Variants in AFAP1 observed in about 807,000 individuals in gnomAD.
AFAP1 encodes the protein actin filament-associated protein 1.
A neutral mutation model predicts 93.9 loss-of-function variants in AFAP1; 75 were observed. That is an observed-to-expected ratio of 0.80 (90% CI 0.66 to 0.97). AFAP1 has a LOEUF of 0.97. AFAP1 is among the 50% of genes least tolerant of loss of function. The pLI, the probability that AFAP1 is intolerant of heterozygous loss-of-function variation, is 0.00. For synonymous variants in AFAP1, 517 were observed against 430.7 expected (o/e 1.20, Z -2.48); for missense variants, 1,201 against 1,050.8 (o/e 1.14, Z -1.98).
chr4:7,915,947 G>A (rs2149230884), intron 1 of AFAP1, among the ~76,000 whole-genome samples: 1 of 152,322 alleles, frequency 6.6e-6, no homozygotes, highest in Non-Finnish European at 1.5e-5. Context: ...TGGAAAAATA[G>A]GAGGGAGAGG....
At chr4:7,803,508 C>T (rs1036666868) in intron 9 of AFAP1, among the ~76,000 whole-genome samples, 5 of 151,950 alleles carry the variant, frequency 3.3e-5, no homozygotes, top group East Asian at 1.9e-4. Flanking sequence ...ACAGGGGGAC[C>T]GGCCCTGATC....
intron 1 of AFAP1, among the ~76,000 whole-genome samples, chr4:7,931,367 G>C (rs560877335): frequency 6.6e-6 from 1 of 152,146 alleles, no homozygotes; most frequent in Non-Finnish European, 1.5e-5. Flanking sequence ...TGACCAACAA[G>C]AATAGTATAT....
chr4:7,765,223 C>G (rs1379416568), intron 17 of AFAP1, among the ~76,000 whole-genome samples: 1 of 152,158 alleles, frequency 6.6e-6, no homozygotes, highest in Non-Finnish European at 1.5e-5. Context: ...TCCACTCTGC[C>G]CTGCTGCCTC....
intron 6 of AFAP1, among the ~76,000 whole-genome samples, chr4:7,820,205 G>A (rs962073565): frequency 2.0e-5 from 3 of 152,200 alleles, no homozygotes; most frequent in African/African-American, 4.8e-5. Context: ...CATGGGACTT[G>A]AGGGAAAGAA....
chr4:7,914,309 C>A lies in AFAP1; in HGVS notation c.-3+25347G>T, dbSNP rs184567453. On this transcript the variant is annotated intron_variant, in intron 1 of 17. Coordinates refer to ENST00000420658, the MANE Select transcript of AFAP1 (RefSeq NM_001134647.2). ...ACCTCAGGTGATCCACCCACCTCGG[C>A]CTCCCACAGTGCTGGGATTACAGGC... Among the ~76,000 whole-genome samples, 7 of 152,302 alleles carry A rather than the reference C, an allele frequency of 4.6e-5. No homozygotes were observed. In the East Asian group the frequency reaches 1.4e-3, roughly 29 times the overall value.
chr4:7,772,068 T>C (rs1445470220), intron 16 of AFAP1: 1 of 152,084 alleles, frequency 6.6e-6, no homozygotes, highest in Admixed American at 6.6e-5. Context: ...ACTGAGGGGT[T>C]TGGAAAGAAG....
chr4:7,899,028 T>C (rs927188451), intron 1 of AFAP1, among the ~76,000 whole-genome samples: 19 of 150,392 alleles, frequency 1.3e-4, no homozygotes, highest in African/African-American at 2.2e-4. Context: ...TGTGTGTGTA[T>C]ATATATATAT....
chr4:7,881,133 C>A (rs189800158), intron 1 of AFAP1, among the ~76,000 whole-genome samples: 94 of 152,258 alleles, frequency 6.2e-4, no homozygotes, highest in Middle Eastern at 3.4e-3. Flanking sequence ...CCAGGCAACT[C>A]CCCATTATCT....
intron 17 of AFAP1, among the ~76,000 whole-genome samples, chr4:7,767,557 A>G (rs1020015123): frequency 3.3e-5 from 5 of 152,114 alleles, no homozygotes; most frequent in African/African-American, 1.2e-4. Context: ...AAGAAAAGCA[A>G]TGGAGATGAC....
At chr4:7,775,181 A>G (rs1715973432) in intron 14 of AFAP1, 2 of 340,050 alleles carry the variant, frequency 5.9e-6, no homozygotes, top group African/African-American at 4.2e-5. Context: ...GGGGTAACTC[A>G]AAAAGCCTGT....
At chr4:7,900,022 C>G (rs1719028128) in intron 1 of AFAP1, among the ~76,000 whole-genome samples, 1 of 152,162 alleles carries the variant, frequency 6.6e-6, no homozygotes, top group African/African-American at 2.4e-5. Flanking sequence ...TTCCCTAAGA[C>G]TAAGCCATGG....
Position 7,772,925 on chromosome 4 carries a change from C to T in AFAP1, c.2148G>A (p.Leu716=), listed in dbSNP as rs371259189. The change falls in exon 16 of 18, where the codon CTG becomes CTA. Residue 716 remains leucine, a synonymous_variant. Transcript: ENST00000420658. ...CCTTGACCTCCGTCAGCTCCAGCTC[C>T]AGGCTGACACGCTCCGCCTCCTTCT... The part of the protein sequence containing the change: ...CRQKEAERVS[L]ELELTEVKES... 3.0e-5 allele frequency: 49 copies of T among 1,614,098 alleles called. 1 individual carries two copies. In the South Asian group the frequency reaches 5.0e-4, roughly 17 times the overall value.
chr4:7,922,048 AG>A (rs1720468117), intron 1 of AFAP1, among the ~76,000 whole-genome samples: 2 of 152,168 alleles, frequency 1.3e-5, no homozygotes, highest in Non-Finnish European at 2.9e-5. Context: ...GCTTGAACCC[AG>A]GAAGCGGAGG....
chr4:7,870,570 T>A (rs1274689757), intron 2 of AFAP1, among the ~76,000 whole-genome samples: 3 of 151,954 alleles, frequency 2.0e-5, no homozygotes, highest in African/African-American at 7.3e-5. Flanking sequence ...AGTGGGAGGA[T>A]CACCTGAGCC....
chr4:7,769,130 T>C, intron 16 of AFAP1, 122 bp from the exon 17 acceptor site: 1 of 1,307,202 alleles, frequency 7.6e-7, no homozygotes, highest in Non-Finnish European at 1.0e-6. Flanking sequence ...ATAACAGCAG[T>C]AGCAGCAAGG....
chr4:7,813,166 A>G (rs1206443218), intron 8 of AFAP1, among the ~76,000 whole-genome samples: 1 of 152,184 alleles, frequency 6.6e-6, no homozygotes, highest in African/African-American at 2.4e-5. Flanking sequence ...GATTTTCTCT[A>G]TGCAGCCCGC....
intron 6 of AFAP1, among the ~76,000 whole-genome samples, chr4:7,831,076 C>G (rs959172862): frequency 2.4e-4 from 37 of 152,276 alleles, no homozygotes; most frequent in African/African-American, 7.7e-4. Flanking sequence ...TCTTAAGTCC[C>G]TAATAAATCT....
intron 10 of AFAP1, 24 bp downstream of exon 10, chr4:7,800,418 T>G (rs1276421217): frequency 6.2e-7 from 1 of 1,611,620 alleles, no homozygotes; most frequent in Non-Finnish European, 8.5e-7. Context: ...CTCTGTGGAG[T>G]ACAGCCCCTG....
chr4:7,846,961 T>C (rs1340844107), intron 4 of AFAP1, among the ~76,000 whole-genome samples: 4 of 152,234 alleles, frequency 2.6e-5, no homozygotes, highest in African/African-American at 9.6e-5. Flanking sequence ...TATGTTCTAG[T>C]AGCCCTTTCA....
Sources: allele counts gnomAD v4.1 joint callset (sites outside exome capture counted in the v4.1 genomes callset), GRCh38; gene constraint gnomAD v4.1.1; transcripts MANE v1.5; gene names NCBI Gene and HGNC (gene_info 2026-07-23, HGNC 2026-07-21).